ARSB: variants seen among roughly 807,000 people sequenced by gnomAD.
ARSB encodes arylsulfatase B, also known as N-acetylgalactosamine-4-sulfatase.
Under a neutral mutation model 50.9 loss-of-function variants are expected in ARSB, and 41 were observed. That is an observed-to-expected ratio of 0.81 (90% CI 0.63 to 1.04). The LOEUF (loss-of-function observed/expected upper bound fraction) is 1.04, where lower values mean the gene tolerates loss of function less well. ARSB is among the 50% of genes least tolerant of loss of function. The pLI, the probability that ARSB is intolerant of heterozygous loss-of-function variation, is 0.00. For missense variants in ARSB, 672 were observed against 693.3 expected (o/e 0.97, Z 0.35); for synonymous variants, 269 against 284.8 (o/e 0.94, Z 0.56).
At chr5:78,949,925 A>C (rs337864) in intron 4 of ARSB, among the ~76,000 whole-genome samples, 1 of 152,056 alleles carries the variant, frequency 6.6e-6, no homozygotes, top group South Asian at 2.1e-4. Context: ...AAACAAAACA[A>C]ACAAAAAAAA....
chr5:78,912,398 C>T (rs1749349132), intron 4 of ARSB, among the ~76,000 whole-genome samples: 1 of 152,212 alleles, frequency 6.6e-6, no homozygotes, highest in South Asian at 2.1e-4. Flanking sequence ...AAGCCCACAG[C>T]TCGTCTGTAA....
intron 4 of ARSB, among the ~76,000 whole-genome samples, chr5:78,921,248 T>C (rs971446888): frequency 6.6e-6 from 1 of 152,176 alleles, no homozygotes; most frequent in Non-Finnish European, 1.5e-5. Context: ...CCAACCATCT[T>C]CCAGCTCACT....
chr5:78,852,035 T>C (rs556805658), intron 5 of ARSB, among the ~76,000 whole-genome samples: 1 of 152,370 alleles, frequency 6.6e-6, no homozygotes, highest in East Asian at 1.9e-4. Flanking sequence ...CTGTGTCTTT[T>C]AATTGGAGCA....
chr5:78,960,499 T>G (rs1751933925), intron 3 of ARSB, among the ~76,000 whole-genome samples: 1 of 152,224 alleles, frequency 6.6e-6, no homozygotes, highest in Admixed American at 6.5e-5. Flanking sequence ...TTTAAGAAGC[T>G]TCTAGTAGAT....
At chr5:78,833,965 G>C (rs1247905354) in intron 6 of ARSB, among the ~76,000 whole-genome samples, 2 of 152,180 alleles carry the variant, frequency 1.3e-5, no homozygotes, top group African/African-American at 4.8e-5. Context: ...CAAAAGGTAG[G>C]TTTGGGGTTT....
chr5:78,821,403 G>T (rs906151499), intron 6 of ARSB, among the ~76,000 whole-genome samples: 13 of 152,198 alleles, frequency 8.5e-5, no homozygotes, highest in African/African-American at 2.4e-5. Flanking sequence ...CTCCCAAAGT[G>T]CTGGGATTAC....
At chr5:78,854,617 G>A (rs1381760660) in intron 5 of ARSB, among the ~76,000 whole-genome samples, 1 of 149,090 alleles carries the variant, frequency 6.7e-6, no homozygotes, top group African/African-American at 2.4e-5. Flanking sequence ...GTTTTCTGCA[G>A]TAACAAGGTT....
intron 4 of ARSB, among the ~76,000 whole-genome samples, chr5:78,899,374 C>A (rs915761698): frequency 2.8e-4 from 43 of 152,276 alleles, no homozygotes; most frequent in African/African-American, 1.0e-3. Flanking sequence ...GGAAAGTTTT[C>A]AGTTCTTATC....
chr5:78,830,432 T>C (rs1342241409), intron 6 of ARSB, among the ~76,000 whole-genome samples: 1 of 152,194 alleles, frequency 6.6e-6, no homozygotes, highest in Non-Finnish European at 1.5e-5. Flanking sequence ...CTTACCCTGA[T>C]TTCTCCAAAC....
intron 4 of ARSB, among the ~76,000 whole-genome samples, chr5:78,899,653 C>A (rs79397679): frequency 0.036 from 5,502 of 152,148 alleles, 326 homozygotes; most frequent in African/African-American, 0.12. Flanking sequence ...TTTCTCAGTT[C>A]TAAGATTTCT....
At chr5:78,918,625 C>T (rs58888893) in intron 4 of ARSB, among the ~76,000 whole-genome samples, 19,651 of 152,044 alleles carry the variant, frequency 0.13, 1,631 homozygotes, top group East Asian at 0.19. Flanking sequence ...ATTTCTGAAA[C>T]TTAGAAACTT....
chr5:78,953,852 T>C (rs1477813817), intron 4 of ARSB, among the ~76,000 whole-genome samples: 3 of 152,174 alleles, frequency 2.0e-5, no homozygotes, highest in African/African-American at 7.2e-5. Context: ...TTAAAAAAAG[T>C]ATATACATAC....
chr5:78,818,706 C>T (rs1039586120), intron 6 of ARSB, among the ~76,000 whole-genome samples: 1 of 149,412 alleles, frequency 6.7e-6, no homozygotes, highest in African/African-American at 2.5e-5. Flanking sequence ...CAAGCTCCGC[C>T]TCCTGGGTCC....
At chr5:78,957,210 G>A (rs374442386) in intron 3 of ARSB, among the ~76,000 whole-genome samples, 2 of 152,128 alleles carry the variant, frequency 1.3e-5, no homozygotes, top group East Asian at 1.9e-4. Context: ...AAAAATAAAC[G>A]TATAATTCTG....
chr5:78,984,878 G>A (rs886112908), intron 1 of ARSB, 59 bp downstream of exon 1: 2 of 1,241,456 alleles, frequency 1.6e-6, no homozygotes, highest in South Asian at 3.1e-5. Flanking sequence ...GGGTAGGAGC[G>A]GCAGGGCGCC....
chr5:78,931,299 A>AG (rs1273352451), intron 4 of ARSB, among the ~76,000 whole-genome samples: 8 of 152,304 alleles, frequency 5.3e-5, no homozygotes, highest in African/African-American at 1.9e-4. Flanking sequence ...TTTACATTCT[A>AG]GAAGAGATGA....
chr5:78,980,725 A>AGT (rs1315709564), intron 1 of ARSB, among the ~76,000 whole-genome samples: 5 of 91,986 alleles, frequency 5.4e-5, no homozygotes, highest in African/African-American at 1.5e-4. Flanking sequence ...TGTCTAAGGA[A>AGT]GTGTGTGTAT....
chr5:78,807,335 AG>A, intron 6 of ARSB, among the ~76,000 whole-genome samples: 1 of 152,310 alleles, frequency 6.6e-6, no homozygotes. Flanking sequence ...GTTGGCTTCC[AG>A]GTTGATTTAG....
chr5:78,786,654 C>A (rs1749087473), intron 6 of ARSB, among the ~76,000 whole-genome samples: 1 of 152,236 alleles, frequency 6.6e-6, no homozygotes, highest in Non-Finnish European at 1.5e-5. Context: ...CAGGATCTCA[C>A]TCCATCACCC....
Sources: allele counts gnomAD v4.1 joint callset (sites outside exome capture counted in the v4.1 genomes callset), GRCh38; gene constraint gnomAD v4.1.1; transcripts MANE v1.5; gene names NCBI Gene and HGNC (gene_info 2026-07-23, HGNC 2026-07-21).